MAGI1: variants seen among roughly 807,000 people sequenced by gnomAD.
MAGI1 encodes the protein membrane associated guanylate kinase, WW and PDZ domain containing 1.
Under a neutral mutation model 139.9 loss-of-function variants are expected in MAGI1, and 58 were observed. The observed-to-expected ratio is 0.41, with a 90% CI of 0.34 to 0.52. The LOEUF is 0.52. MAGI1 is among the 20% of genes least tolerant of loss of function. MAGI1 has a pLI of 0.12. For missense variants in MAGI1, 1,874 were observed against 1,901.6 expected (o/e 0.99, Z 0.27); for synonymous variants, 812 against 737.9 (o/e 1.10, Z -1.63).
intron 1 of MAGI1, among the ~76,000 whole-genome samples, chr3:65,750,457 C>T (rs9868896): frequency 0.21 from 31,720 of 152,152 alleles, 3,632 homozygotes; most frequent in Non-Finnish European, 0.24. Context: ...AATGAGTTCA[C>T]AAAGTTTACA....
At chr3:65,417,271 A>G (rs2107245924) in intron 12 of MAGI1, among the ~76,000 whole-genome samples, 1 of 152,298 alleles carries the variant, frequency 6.6e-6, no homozygotes, top group East Asian at 1.9e-4. Flanking sequence ...ACCATGGCAC[A>G]CATTTACCTA....
chr3:65,969,421 G>A (rs144758705), intron 1 of MAGI1, among the ~76,000 whole-genome samples: 107 of 152,202 alleles, frequency 7.0e-4, no homozygotes, highest in East Asian at 1.7e-3. Flanking sequence ...CCCCCTCCTC[G>A]TAGTTGCAAT....
At chr3:65,517,024 G>A (rs939286173) in intron 2 of MAGI1, among the ~76,000 whole-genome samples, 4 of 151,780 alleles carry the variant, frequency 2.6e-5, no homozygotes, top group African/African-American at 7.3e-5. Context: ...CACCGCGCCC[G>A]GCCCCATCCC....
rs550039115 is a variant in MAGI1 at position 65,516,610 on chromosome 3, C to G, written c.431-22979G>C. On this transcript the variant is annotated intron_variant, in intron 2 of 22. Coordinates refer to ENST00000402939, the MANE Select transcript of MAGI1 (RefSeq NM_001033057.2). ...TACTACATGTCAGGCACTGCAAGTA[C>G]TTTGTACTCTCTTTTCCCCTAAAAC... Among the ~76,000 whole-genome samples the G allele has an allele frequency of 2.6e-5, 4 of 151,856 alleles. No homozygotes were observed. The South Asian group carries it at 6.2e-4, about 24-fold the overall frequency.
chr3:65,974,147 C>T (rs2065139892), intron 1 of MAGI1, among the ~76,000 whole-genome samples: 1 of 151,870 alleles, frequency 6.6e-6, no homozygotes, highest in Non-Finnish European at 1.5e-5. Context: ...AAGTAGAATT[C>T]AACTCTTGTT....
At chr3:65,587,506 CAG>C (rs1448495034) in intron 2 of MAGI1, among the ~76,000 whole-genome samples, 1 of 111,748 alleles carries the variant, frequency 8.9e-6, no homozygotes, top group African/African-American at 3.7e-5. Flanking sequence ...TTTTTTGAGA[CAG>C]GGTCTCGCTC....
intron 2 of MAGI1, among the ~76,000 whole-genome samples, chr3:65,538,119 G>C (rs1281899846): frequency 1.3e-5 from 2 of 152,168 alleles, no homozygotes; most frequent in Non-Finnish European, 2.9e-5. Context: ...TGGGCAACAA[G>C]AGCGAAGCTC....
At chr3:65,644,831 T>G (rs1346841897) in intron 1 of MAGI1, among the ~76,000 whole-genome samples, 2 of 151,878 alleles carry the variant, frequency 1.3e-5, no homozygotes, top group Non-Finnish European at 2.9e-5. Context: ...ACTCTATCTC[T>G]ACCATAAATA....
intron 5 of MAGI1, among the ~76,000 whole-genome samples, chr3:65,464,138 T>C (rs1190885567): frequency 6.6e-6 from 1 of 152,196 alleles, no homozygotes; most frequent in Non-Finnish European, 1.5e-5. Context: ...CTCTCATTTT[T>C]TTCTTTGTCA....
chr3:66,004,549 A>T (rs2066914251), intron 1 of MAGI1, among the ~76,000 whole-genome samples: 1 of 152,134 alleles, frequency 6.6e-6, no homozygotes, highest in African/African-American at 2.4e-5. Context: ...ACTTTCTGTC[A>T]TACTCTGTTG....
intron 1 of MAGI1, among the ~76,000 whole-genome samples, chr3:65,802,997 A>G (rs1296437797): frequency 6.6e-6 from 1 of 151,900 alleles, no homozygotes; most frequent in East Asian, 1.9e-4. Context: ...CATGCAGATG[A>G]AGAGAGAGAG....
chr3:65,613,618 T>G (rs1280250331), intron 2 of MAGI1, among the ~76,000 whole-genome samples: 1 of 152,152 alleles, frequency 6.6e-6, no homozygotes, highest in Non-Finnish European at 1.5e-5. Context: ...AACTATACAA[T>G]GGCAATTAGG....
chr3:65,478,785 C>T lies in MAGI1; in HGVS notation c.564G>A (p.Gly188=), dbSNP rs753874810. The T allele has an allele frequency of 1.2e-6, 2 of 1,613,144 alleles. No individual in the cohort carries two copies. Among genetic ancestry groups the T allele is most frequent in the East Asian group, 4.5e-5 (2 of 44,870 alleles). Residue 188 remains glycine, a synonymous_variant, in exon 4 of 23, where the codon GGG becomes GGA. Transcript: ENST00000402939. ...CTGGCTGGCTAGGAGGCTTGGGTGT[C>T]CCATAATAGTTTCCTAGGTGATGGA... ...EVGTYEGNYY[G]TPKPPSQPVS...
At chr3:65,898,327 G>A (rs2061070881) in intron 1 of MAGI1, among the ~76,000 whole-genome samples, 2 of 152,168 alleles carry the variant, frequency 1.3e-5, no homozygotes, top group African/African-American at 4.8e-5. Flanking sequence ...GTAGCTTGGA[G>A]ATAAAGCACT....
intron 1 of MAGI1, among the ~76,000 whole-genome samples, chr3:65,791,143 C>T (rs1460519143): frequency 1.3e-5 from 2 of 152,152 alleles, no homozygotes. Context: ...TCTTTTAAAA[C>T]AGACACCCCA....
At chr3:65,398,810 T>A (rs1267266876) in intron 13 of MAGI1, among the ~76,000 whole-genome samples, 1 of 152,136 alleles carries the variant, frequency 6.6e-6, no homozygotes, top group Non-Finnish European at 1.5e-5. Flanking sequence ...AATTAATAAA[T>A]TTTTATTAAG....
At chr3:65,544,292 T>A (rs971194064) in intron 2 of MAGI1, among the ~76,000 whole-genome samples, 2 of 152,148 alleles carry the variant, frequency 1.3e-5, no homozygotes, top group Non-Finnish European at 2.9e-5. Context: ...AGCAAATGCT[T>A]CCAAGACCAT....
intron 1 of MAGI1, among the ~76,000 whole-genome samples, chr3:65,865,937 G>C (rs1279465153): frequency 1.3e-5 from 2 of 152,158 alleles, no homozygotes; most frequent in Non-Finnish European, 2.9e-5. Context: ...ACCATGCCAG[G>C]CCATACTTTG....
intron 1 of MAGI1, among the ~76,000 whole-genome samples, chr3:65,743,059 T>C (rs1278224843): frequency 6.6e-6 from 1 of 152,186 alleles, no homozygotes; most frequent in South Asian, 2.1e-4. Context: ...ATGACTTCTC[T>C]CTACAAAGAC....
Sources: gnomAD v4.1 joint callset for allele counts (sites outside exome capture counted in the v4.1 genomes callset) on GRCh38, gnomAD v4.1.1 for gene constraint, MANE v1.5 for transcripts, NCBI Gene and HGNC (gene_info 2026-07-23, HGNC 2026-07-21) for gene names.